The following RBFOX1 variants were observed in gnomAD, a reference collection of about 807,000 sequenced individuals.
RBFOX1 encodes the protein RNA binding protein fox-1 homolog 1.
RBFOX1 carries 8 observed loss-of-function variants against 57.7 expected under a neutral mutation model. The observed-to-expected ratio is 0.14, with a 90% CI of 0.08 to 0.25. RBFOX1 has a LOEUF of 0.25. RBFOX1 is among the 10% of genes least tolerant of loss of function. The pLI is 1.00. For synonymous variants in RBFOX1, 326 were observed against 222.4 expected, an observed-to-expected ratio of 1.47 and a Z score of -4.15; for missense variants, 611 against 548.5, an observed-to-expected ratio of 1.11 and a Z score of -1.14.
intron 3 of RBFOX1, chr16:6,873,940 C>T (rs1006772989): frequency 5.9e-5 from 9 of 152,124 alleles, no homozygotes; most frequent in Non-Finnish European, 1.2e-4. Flanking sequence ...TGGAATGATA[C>T]AGAGAAGATT....
intron 4 of RBFOX1, among the ~76,000 whole-genome samples, chr16:7,136,656 A>G (rs894345138): frequency 2.0e-5 from 3 of 152,000 alleles, no homozygotes; most frequent in African/African-American, 4.8e-5. Context: ...GCCTCAAACA[A>G]TCCTCCTGCC....
chr16:7,091,941 C>G (rs1316900077), intron 4 of RBFOX1, among the ~76,000 whole-genome samples: 1 of 152,248 alleles, frequency 6.6e-6, no homozygotes, highest in South Asian at 2.1e-4. Flanking sequence ...AGGACAGAAA[C>G]AACATCTGCC....
At chr16:6,871,370 G>C (rs999459848) in intron 3 of RBFOX1, among the ~76,000 whole-genome samples, 3 of 152,036 alleles carry the variant, frequency 2.0e-5, no homozygotes, top group East Asian at 1.9e-4. Context: ...ATTTTTAGTA[G>C]ACATAGGGTT....
At chr16:7,231,981 G>A (rs933539732) in intron 4 of RBFOX1, among the ~76,000 whole-genome samples, 4 of 152,096 alleles carry the variant, frequency 2.6e-5, no homozygotes, top group African/African-American at 4.8e-5. Context: ...ACTAGATAGG[G>A]GTGGTGGTTG....
intron 3 of RBFOX1, among the ~76,000 whole-genome samples, chr16:5,866,492 T>C (rs1285115370): frequency 6.6e-6 from 1 of 152,174 alleles, no homozygotes; most frequent in Non-Finnish European, 1.5e-5. Flanking sequence ...AGTTGTAAGA[T>C]AGAAAGCTTC....
At chr16:7,251,683 G>A (rs965660313) in intron 4 of RBFOX1, among the ~76,000 whole-genome samples, 1 of 152,226 alleles carries the variant, frequency 6.6e-6, no homozygotes, top group East Asian at 1.9e-4. Context: ...GCCTCGCAAA[G>A]TCGTGGGATT....
chr16:6,839,879 C>T (rs1021386357), intron 3 of RBFOX1, among the ~76,000 whole-genome samples: 2 of 152,132 alleles, frequency 1.3e-5, no homozygotes, highest in African/African-American at 4.8e-5. Flanking sequence ...TTTTCCCCTC[C>T]CATCCCATTC....
intron 1 of RBFOX1, among the ~76,000 whole-genome samples, chr16:5,349,470 T>A (rs1248995972): frequency 6.6e-6 from 1 of 152,114 alleles, no homozygotes; most frequent in East Asian, 1.9e-4. Flanking sequence ...GGTCAGGAGT[T>A]CGAGACCAGC....
At position 6,019,574 on chromosome 16, in the gene RBFOX1, G is replaced by A. The variant is rs572609159; in HGVS notation, c.-545G>A. ...AGGCGGCGGCACTGGCTGGACCCAC[G>A]CGCGCGCCTCCGGGGCTGAAGAAGG... On this transcript the variant is annotated 5_prime_UTR_variant, in exon 1 of 16. Coordinates refer to ENST00000550418, the MANE Select transcript of RBFOX1 (RefSeq NM_018723.4). The surrounding 1 kb of genome is among the most constrained non-coding windows in gnomAD (Gnocchi z 4.2). 9.4e-6 allele frequency: 11 copies of A among 1,165,886 alleles called. No individual in the cohort carries two copies. The East Asian group carries it at 3.9e-4, about 41-fold the overall frequency. The allele number at this position is 1,165,886 out of a possible 1,614,324, so 72.2% of individuals were successfully genotyped here. A position where few individuals can be genotyped will look rare whatever the true frequency, so the allele number is the denominator to read the frequency against.
At chr16:5,280,455 GA>G (rs2063244316) in intron 1 of RBFOX1, among the ~76,000 whole-genome samples, 1 of 152,202 alleles carries the variant, frequency 6.6e-6, no homozygotes. Flanking sequence ...CTTATACAAT[GA>G]GTTAGGAAGA....
chr16:5,466,752 T>G (rs545427079), intron 1 of RBFOX1, among the ~76,000 whole-genome samples: 1 of 152,320 alleles, frequency 6.6e-6, no homozygotes, highest in Non-Finnish European at 1.5e-5. Flanking sequence ...GGCTGCCTCC[T>G]AGAGCTTGTC....
intron 1 of RBFOX1, among the ~76,000 whole-genome samples, chr16:5,464,002 G>T (rs1320237100): frequency 6.6e-6 from 1 of 152,132 alleles, no homozygotes; most frequent in African/African-American, 2.4e-5. Context: ...GAATCATGCT[G>T]TGCACAGCTG....
chr16:7,483,844 G>C (rs74010518), intron 4 of RBFOX1, among the ~76,000 whole-genome samples: 1 of 152,142 alleles, frequency 6.6e-6, no homozygotes, highest in African/African-American at 2.4e-5. Context: ...CAGAGGCTGC[G>C]CATCAGATGT....
intron 3 of RBFOX1, among the ~76,000 whole-genome samples, chr16:5,628,092 C>T (rs972580485): frequency 6.6e-6 from 1 of 152,116 alleles, no homozygotes; most frequent in African/African-American, 2.4e-5. Flanking sequence ...CTCTGCCCAC[C>T]CCACCCCAAT....
chr16:5,697,550 T>TC (rs1555503693), intron 3 of RBFOX1, among the ~76,000 whole-genome samples: 3 of 149,558 alleles, frequency 2.0e-5, no homozygotes, highest in Non-Finnish European at 3.0e-5. Context: ...TTTTTTTTTT[T>TC]TGAGATAGAG....
chr16:6,547,516 TTTGTTG>T (rs200951788), intron 2 of RBFOX1, among the ~76,000 whole-genome samples: 1 of 152,190 alleles, frequency 6.6e-6, no homozygotes, highest in Non-Finnish European at 1.5e-5. Context: ...GGTTCTTTTT[TTTGTTG>T]TTGTTGTTAT....
At chr16:6,930,990 C>A (rs958736293) in intron 3 of RBFOX1, among the ~76,000 whole-genome samples, 1 of 151,724 alleles carries the variant, frequency 6.6e-6, no homozygotes, top group Non-Finnish European at 1.5e-5. Context: ...TACTTATTTC[C>A]TATCTTCTCC....
intron 3 of RBFOX1, among the ~76,000 whole-genome samples, chr16:6,698,623 G>A (rs17140957): frequency 0.074 from 11,311 of 152,132 alleles, 539 homozygotes; most frequent in African/African-American, 0.14. Context: ...TTCTCCATCT[G>A]TTATTCACCG....
intron 4 of RBFOX1, among the ~76,000 whole-genome samples, chr16:7,323,360 G>A (rs532492217): frequency 6.6e-6 from 1 of 152,288 alleles, no homozygotes; most frequent in African/African-American, 2.4e-5. Flanking sequence ...GGAGTCGGAG[G>A]CTGCAGTGAG....
Sources: allele counts gnomAD v4.1 joint callset (sites outside exome capture counted in the v4.1 genomes callset), GRCh38; gene constraint gnomAD v4.1.1; non-coding constraint Gnocchi (gnomAD v3.1); transcripts MANE v1.5; gene names NCBI Gene and HGNC (gene_info 2026-07-23, HGNC 2026-07-21).